TNRC18: variants seen among roughly 807,000 people sequenced by gnomAD.
TNRC18 encodes trinucleotide repeat-containing gene 18 protein.
In TNRC18, 69 loss-of-function variants were observed where a neutral mutation model predicts 226.7. The ratio of observed to expected loss-of-function variants is 0.30; its 90% CI spans 0.25 to 0.37. The LOEUF (loss-of-function observed/expected upper bound fraction) is 0.37, where lower values mean the gene tolerates loss of function less well. Ranked by LOEUF, TNRC18 falls within the 10% of genes least tolerant of loss-of-function variation. TNRC18 has a pLI of 1.00. For missense variants in TNRC18, 4,754 were observed against 4,256.6 expected (o/e 1.12, Z -3.25); for synonymous variants, 2,449 against 1,927.6 (o/e 1.27, Z -7.09).
At chr7:5,352,615 T>G (rs1459839131) in intron 16 of TNRC18, among the ~76,000 whole-genome samples, 1 of 152,258 alleles carries the variant, frequency 6.6e-6, no homozygotes, top group Non-Finnish European at 1.5e-5. Flanking sequence ...ACCATGGGAA[T>G]GGGCAAACGC....
intron 18 of TNRC18, among the ~76,000 whole-genome samples, chr7:5,336,357 G>A (rs532355395): frequency 1.3e-5 from 2 of 152,254 alleles, no homozygotes; most frequent in South Asian, 4.1e-4. Context: ...TCAAAGAGGT[G>A]AAATAAAACT....
At chr7:5,419,489 A>G (rs1286759675) in intron 2 of TNRC18, among the ~76,000 whole-genome samples, 2 of 152,174 alleles carry the variant, frequency 1.3e-5, no homozygotes, top group African/African-American at 4.8e-5. Context: ...ATCACGGTGG[A>G]CTTGTGGGGA....
chr7:5,369,930 T>A (rs1793987119), intron 11 of TNRC18, among the ~76,000 whole-genome samples: 2 of 152,312 alleles, frequency 1.3e-5, no homozygotes, highest in South Asian at 4.1e-4. Flanking sequence ...GAACATTTTG[T>A]TATGTGTATC....
intron 5 of TNRC18, among the ~76,000 whole-genome samples, chr7:5,379,785 C>T (rs1285022069): frequency 6.6e-6 from 1 of 152,242 alleles, no homozygotes; most frequent in Non-Finnish European, 1.5e-5. Context: ...TGCCCGTCGG[C>T]TCCCAGGTGC....
intron 15 of TNRC18, among the ~76,000 whole-genome samples, chr7:5,358,940 A>C (rs991518424): frequency 1.3e-5 from 2 of 152,250 alleles, no homozygotes; most frequent in Non-Finnish European, 2.9e-5. Flanking sequence ...AGAAATAAGA[A>C]GAATCAAGGA....
intron 27 of TNRC18, among the ~76,000 whole-genome samples, chr7:5,311,205 T>C (rs62441159): frequency 0.065 from 8,749 of 134,754 alleles, 863 homozygotes; most frequent in African/African-American, 0.22. Context: ...TGCGTGTGTG[T>C]GTGCATGTGC....
At chr7:5,329,029 G>A (rs772718231) in intron 19 of TNRC18, among the ~76,000 whole-genome samples, 4 of 152,186 alleles carry the variant, frequency 2.6e-5, no homozygotes, top group African/African-American at 7.2e-5. Flanking sequence ...AAGGCCAGGC[G>A]TGGTGGCTCA....
intron 2 of TNRC18, among the ~76,000 whole-genome samples, chr7:5,398,999 C>T (rs895211580): frequency 6.6e-6 from 1 of 152,172 alleles, no homozygotes; most frequent in African/African-American, 2.4e-5. Flanking sequence ...TCAAGGCATC[C>T]CGCAACTCAC....
intron 29 of TNRC18, among the ~76,000 whole-genome samples, 165 bp from the exon 30 acceptor site, chr7:5,308,477 GAC>G (rs1786817803): frequency 6.6e-6 from 1 of 152,078 alleles, no homozygotes; most frequent in African/African-American, 2.4e-5. Flanking sequence ...ACAAAAGAGA[GAC>G]AGAGACCGAG....
chr7:5,410,174 G>A (rs1032992962), intron 2 of TNRC18, among the ~76,000 whole-genome samples: 1 of 151,160 alleles, frequency 6.6e-6, no homozygotes, highest in Non-Finnish European at 1.5e-5. Context: ...AGCCAGGCAT[G>A]GTGGCACACG....
At chr7:5,332,128 G>A (rs1321650977) in intron 19 of TNRC18, among the ~76,000 whole-genome samples, 1 of 152,172 alleles carries the variant, frequency 6.6e-6, no homozygotes, top group Non-Finnish European at 1.5e-5. Context: ...GGAGAAAAGA[G>A]AGTAAGGACC....
chr7:5,374,609 A>C, intron 9 of TNRC18, 125 bp from the exon 10 acceptor site: 1 of 983,626 alleles, frequency 1.0e-6, no homozygotes, highest in Non-Finnish European at 1.4e-6. Flanking sequence ...CCTGGGGTCC[A>C]GGCTGCCCAC....
intron 2 of TNRC18, among the ~76,000 whole-genome samples, chr7:5,418,423 G>T (rs1050295869): frequency 3.9e-5 from 6 of 152,192 alleles, no homozygotes; most frequent in Non-Finnish European, 8.8e-5. Context: ...ACCTTCCACA[G>T]CAGATGGCTG....
chr7:5,387,532 A>T, intron 5 of TNRC18, 140 bp downstream of exon 5: 4 of 1,238,224 alleles, frequency 3.2e-6, no homozygotes, highest in Non-Finnish European at 4.5e-6. Flanking sequence ...TGCTCGCAAC[A>T]GAACATTCAA....
chr7:5,348,180 C>G (rs1003159489), intron 17 of TNRC18, among the ~76,000 whole-genome samples: 1 of 152,184 alleles, frequency 6.6e-6, no homozygotes, highest in Non-Finnish European at 1.5e-5. Context: ...TGTCTTGAGG[C>G]AGACACTTGC....
rs1337483899 is a variant in TNRC18, at chr7:5,394,441, T to C, written c.342A>G (p.Glu114=). ...MVQLWAAHAH[E]GFSHLPSGLY... ...CCCCGACCCCGGCATGTTCCTTACC[T>C]TCATGGGCGTGGGCGGCCCACAGCT... The change falls in exon 3 of 30, where the codon GAA becomes GAG. Residue 114 remains glutamate (E), a splice_region_variant and synonymous_variant. Coordinates refer to ENST00000430969, the MANE Select transcript of TNRC18 (RefSeq NM_001080495.3). This position sits in a 1 kb window ranked among gnomAD's most constrained non-coding sequence, Gnocchi z 4.5. The C allele has an allele frequency of 6.5e-7, 1 of 1,537,492 alleles. No homozygotes were observed. The highest frequency in any genetic ancestry group is 8.7e-7 in the Non-Finnish European group (1 of 1,143,234).
intron 17 of TNRC18, among the ~76,000 whole-genome samples, chr7:5,348,601 G>C (rs60840321): frequency 0.028 from 4,166 of 150,404 alleles, 192 homozygotes; most frequent in African/African-American, 0.096. Context: ...CCACCTCAGA[G>C]AGGAAGGCGG....
Position 5,362,048 on chromosome 7 carries a change from G to A in TNRC18, c.4396-15C>T, listed in dbSNP as rs190369166. ...ATGGCATACATCTGGGGGAAGAACC[G>A]GGAGAGGAGGAGGGGGTGAGGATGC... On this transcript the variant is annotated splice_polypyrimidine_tract_variant and intron_variant, in intron 12 of 29. Coordinates refer to ENST00000430969, the MANE Select transcript of TNRC18 (RefSeq NM_001080495.3). 4.7e-5 allele frequency: 75 copies of A among 1,610,892 alleles called. No homozygotes were observed. The highest frequency in any genetic ancestry group is 4.5e-4 in the East Asian group (20 of 44,734).
At chr7:5,332,545 C>A in intron 19 of TNRC18, 77 bp downstream of exon 19, 5 of 1,425,482 alleles carry the variant, frequency 3.5e-6, no homozygotes, top group South Asian at 1.4e-5. Context: ...CTTCCCTAGG[C>A]TGGGAGGGGA....
Sources: allele counts gnomAD v4.1 joint callset (sites outside exome capture counted in the v4.1 genomes callset), GRCh38; gene constraint gnomAD v4.1.1; non-coding constraint Gnocchi (gnomAD v3.1); transcripts MANE v1.5; gene names NCBI Gene and HGNC (gene_info 2026-07-23, HGNC 2026-07-21).